ZNF804B: variants seen among roughly 807,000 people sequenced by gnomAD.
The protein encoded by ZNF804B is zinc finger 804B.
Under a neutral mutation model 101.4 loss-of-function variants are expected in ZNF804B, and 80 were observed. The ratio of observed to expected loss-of-function variants is 0.79; its 90% confidence interval spans 0.66 to 0.95. ZNF804B has a LOEUF of 0.95. Ranked by LOEUF, ZNF804B falls within the 40% of genes least tolerant of loss-of-function variation. The pLI is 0.00. For missense variants in ZNF804B, 1,673 were observed against 1,561.9 expected, an observed-to-expected ratio of 1.07 and a Z score of -1.20; for synonymous variants, 622 against 558.8, an observed-to-expected ratio of 1.11 and a Z score of -1.59.
At chr7:88,853,791 G>A (rs1791480647) in intron 1 of ZNF804B, among the ~76,000 whole-genome samples, 1 of 151,978 alleles carries the variant, frequency 6.6e-6, no homozygotes, top group African/African-American at 2.4e-5. Flanking sequence ...AGCTGAGTAT[G>A]CACAGAACCA....
chr7:89,015,064 C>A (rs1788524867), intron 1 of ZNF804B, among the ~76,000 whole-genome samples: 1 of 152,132 alleles, frequency 6.6e-6, no homozygotes, highest in Non-Finnish European at 1.5e-5. Flanking sequence ...CATTCTTCTG[C>A]ATATAGATAT....
chr7:89,142,567 A>G lies in ZNF804B; in HGVS notation c.109-75588A>G, dbSNP rs545263624. On this transcript the variant is annotated intron_variant, in intron 1 of 3. Transcript: ENST00000333190. ...CCAGTAAAGCTATGTTTCATCTCCT[A>G]TTATAATTCTTGGAGTAAATTTTCA... Among the ~76,000 whole-genome samples, 15 of 151,966 alleles carry G rather than the reference A, an allele frequency of 9.9e-5. No individual in the cohort carries two copies. In the East Asian group the frequency reaches 2.9e-3, roughly 30 times the overall value.
chr7:89,319,020 G>T (rs1301838275), intron 2 of ZNF804B, among the ~76,000 whole-genome samples: 1 of 152,138 alleles, frequency 6.6e-6, no homozygotes, highest in Admixed American at 6.5e-5. Context: ...GCAGGAACAC[G>T]CCCTTAAGAC....
chr7:88,822,425 C>T (rs548410391), intron 1 of ZNF804B, among the ~76,000 whole-genome samples: 1 of 152,240 alleles, frequency 6.6e-6, no homozygotes, highest in South Asian at 2.1e-4. Context: ...CTAAATACAG[C>T]CCACAGGCCA....
intron 1 of ZNF804B, among the ~76,000 whole-genome samples, chr7:88,895,539 G>T (rs769879739): frequency 2.0e-5 from 3 of 152,160 alleles, no homozygotes; most frequent in Non-Finnish European, 4.4e-5. Flanking sequence ...TACCCCATTA[G>T]CAATGAGCAC....
chr7:88,976,545 G>A (rs930609467), intron 1 of ZNF804B, among the ~76,000 whole-genome samples: 2 of 151,314 alleles, frequency 1.3e-5, no homozygotes, highest in Non-Finnish European at 3.0e-5. Flanking sequence ...ACTGTTCGTC[G>A]CTGGCATATG....
intron 1 of ZNF804B, among the ~76,000 whole-genome samples, chr7:89,011,509 A>G (rs2116193784): frequency 6.6e-6 from 1 of 152,298 alleles, no homozygotes; most frequent in Non-Finnish European, 1.5e-5. Flanking sequence ...TAAAATCAAA[A>G]GCAAGTTAGT....
In ZNF804B at chr7:88,930,591, T is replaced by A. The variant is rs762937049; in HGVS notation, c.108+170507T>A. On this transcript the variant is annotated intron_variant, in intron 1 of 3. Transcript: ENST00000333190. ...TATGATTCATATATTGAACTTTCAT[T>A]ACCATTAAAGAGACTTATTGGATGT... Among the ~76,000 whole-genome samples the A allele has an allele frequency of 1.1e-4, 17 of 151,974 alleles. 1 individual carries two copies. The highest frequency in any genetic ancestry group is 1.8e-4 in the Non-Finnish European group (12 of 67,896).
At position 89,335,121 on chromosome 7, in the gene ZNF804B, C is replaced by T; in HGVS notation, c.2139C>T (p.Asp713=). 1.9e-6 allele frequency: 3 copies of T among 1,613,830 alleles called. No homozygotes were observed. The highest frequency in any genetic ancestry group is 2.5e-6 in the Non-Finnish European group (3 of 1,179,914). The part of the protein sequence containing the change: ...SCLSRYSSSL[D]TSPSSMSSLR... Reference sequence around the variant, plus strand: ...TGAGTAGATATTCTTCCTCTTTGGACACATCCCCTAGCAGCATGTCTAGCT... The same window carrying T: ...TGAGTAGATATTCTTCCTCTTTGGATACATCCCCTAGCAGCATGTCTAGCT... Residue 713 remains aspartate (D), a synonymous_variant, in exon 4 of 4, where the codon GAC becomes GAT. Transcript: ENST00000333190.
chr7:88,846,107 T>C (rs549261437), intron 1 of ZNF804B, among the ~76,000 whole-genome samples: 13 of 152,306 alleles, frequency 8.5e-5, no homozygotes, highest in African/African-American at 3.1e-4. Context: ...AAGTTGAAAA[T>C]TTAATTTATT....
At chr7:88,937,771 C>T (rs1323180353) in intron 1 of ZNF804B, among the ~76,000 whole-genome samples, 1 of 151,954 alleles carries the variant, frequency 6.6e-6, no homozygotes, top group Non-Finnish European at 1.5e-5. Context: ...ATTGAAGGGT[C>T]ACAGTGAGTC....
At chr7:89,053,604 G>A (rs1424618823) in intron 1 of ZNF804B, among the ~76,000 whole-genome samples, 1 of 151,850 alleles carries the variant, frequency 6.6e-6, no homozygotes, top group Non-Finnish European at 1.5e-5. Flanking sequence ...GATTGTTTTT[G>A]GCTATAGTCA....
chr7:89,183,270 C>A (rs973515160), intron 1 of ZNF804B, among the ~76,000 whole-genome samples: 1 of 151,854 alleles, frequency 6.6e-6, no homozygotes, highest in African/African-American at 2.4e-5. Context: ...GAGGAACAGA[C>A]CAAAAAGTGT....
chr7:89,299,892 A>G (rs10256617), intron 2 of ZNF804B, among the ~76,000 whole-genome samples: 35,577 of 151,812 alleles, frequency 0.23, 4,471 homozygotes, highest in Admixed American at 0.28. Context: ...CCAAAGGAAA[A>G]CATCTTACTG....
At chr7:89,197,683 T>C (rs1584047691) in intron 1 of ZNF804B, among the ~76,000 whole-genome samples, 1 of 151,998 alleles carries the variant, frequency 6.6e-6, no homozygotes, top group East Asian at 1.9e-4. Flanking sequence ...GGTTACTCAT[T>C]AGAATTTATA....
At chr7:88,825,948 C>T (rs1481195792) in intron 1 of ZNF804B, among the ~76,000 whole-genome samples, 1 of 152,008 alleles carries the variant, frequency 6.6e-6, no homozygotes, top group Non-Finnish European at 1.5e-5. Flanking sequence ...TGTACATTTC[C>T]TTTTTGTGAA....
chr7:88,877,007 AATATATATATATATATATAATATAT>A (rs1562820297), intron 1 of ZNF804B, among the ~76,000 whole-genome samples: 8 of 75,182 alleles, frequency 1.1e-4, no homozygotes, highest in Non-Finnish European at 1.6e-4. Context: ...TGAAAAAAAA[AATATATATATATATATATAATATAT>A]ATATATATAT....
chr7:88,793,751 G>A (rs972394613), intron 1 of ZNF804B, among the ~76,000 whole-genome samples: 2 of 152,038 alleles, frequency 1.3e-5, no homozygotes, highest in Non-Finnish European at 2.9e-5. Flanking sequence ...ACCTGAGGTT[G>A]CAAGCAACTC....
intron 1 of ZNF804B, among the ~76,000 whole-genome samples, chr7:88,838,804 A>G (rs1299067104): frequency 1.3e-5 from 2 of 151,990 alleles, no homozygotes; most frequent in East Asian, 3.9e-4. Flanking sequence ...TGAACTAATA[A>G]ATATAAAAGT....
Sources: allele counts gnomAD v4.1 joint callset (sites outside exome capture counted in the v4.1 genomes callset), GRCh38; gene constraint gnomAD v4.1.1; transcripts MANE v1.5; gene names NCBI Gene and HGNC (gene_info 2026-07-23, HGNC 2026-07-21).